Variants in OPCML observed in about 807,000 individuals in gnomAD.
OPCML encodes opioid binding protein/cell adhesion molecule like.
Under a neutral mutation model 37.8 loss-of-function variants are expected in OPCML, and 13 were observed. That is an observed-to-expected ratio of 0.34 (90% CI 0.22 to 0.55). The LOEUF (loss-of-function observed/expected upper bound fraction) is 0.55, where lower values mean the gene tolerates loss of function less well. Among genes scored for constraint, OPCML ranks in the 20% least tolerant of loss-of-function variants. The pLI is 0.91. For missense variants in OPCML, 341 were observed against 435.6 expected (o/e 0.78, Z 1.93); for synonymous variants, 176 against 168.8 (o/e 1.04, Z -0.33).
intron 1 of OPCML, among the ~76,000 whole-genome samples, chr11:133,395,602 G>A (rs1037575581): frequency 1.3e-5 from 2 of 152,086 alleles, no homozygotes; most frequent in African/African-American, 4.8e-5. Context: ...TTCTGCATAT[G>A]GATATCCAGT....
chr11:132,748,700 C>T (rs891691773), intron 2 of OPCML, among the ~76,000 whole-genome samples: 7 of 152,080 alleles, frequency 4.6e-5, no homozygotes, highest in African/African-American at 1.7e-4. Flanking sequence ...GACGGAAAGG[C>T]ATTGGAGGAT....
chr11:133,449,292 G>A (rs1344379441), intron 1 of OPCML, among the ~76,000 whole-genome samples: 1 of 152,176 alleles, frequency 6.6e-6, no homozygotes, highest in Non-Finnish European at 1.5e-5. Flanking sequence ...TGGACATAAA[G>A]TCTCTGTAAC....
At chr11:132,936,011 T>C (rs1945356603) in intron 2 of OPCML, among the ~76,000 whole-genome samples, 1 of 152,140 alleles carries the variant, frequency 6.6e-6, no homozygotes, top group Non-Finnish European at 1.5e-5. Context: ...CTGGACAGTA[T>C]GTTAGATCCT....
intron 1 of OPCML, among the ~76,000 whole-genome samples, chr11:133,269,162 A>C (rs1941745927): frequency 6.6e-6 from 1 of 152,172 alleles, no homozygotes; most frequent in South Asian, 2.1e-4. Flanking sequence ...GTGATGCTAC[A>C]CTTCTCTGGG....
intron 2 of OPCML, among the ~76,000 whole-genome samples, chr11:132,803,495 A>G (rs1316587929): frequency 6.6e-6 from 1 of 152,200 alleles, no homozygotes; most frequent in Non-Finnish European, 1.5e-5. Flanking sequence ...GTAGTACTTA[A>G]TGGTGAATAT....
At chr11:133,051,058 TACACACACAC>T (rs113538759) in intron 1 of OPCML, among the ~76,000 whole-genome samples, 3 of 147,992 alleles carry the variant, frequency 2.0e-5, no homozygotes, top group Non-Finnish European at 4.5e-5. Context: ...TGTGTGTACA[TACACACACAC>T]ACACACACAC....
intron 1 of OPCML, among the ~76,000 whole-genome samples, chr11:133,375,820 G>A (rs754711459): frequency 2.0e-5 from 3 of 152,166 alleles, no homozygotes; most frequent in Admixed American, 6.5e-5. Flanking sequence ...GACTAGCAGG[G>A]TGGGCACACA....
At chr11:132,868,539 A>G (rs1343679175) in intron 2 of OPCML, among the ~76,000 whole-genome samples, 1 of 152,110 alleles carries the variant, frequency 6.6e-6, no homozygotes, top group Non-Finnish European at 1.5e-5. Context: ...TTGTGTCCCA[A>G]ATAGGAATCA....
chr11:132,944,236 C>G (rs932905114), intron 1 of OPCML, among the ~76,000 whole-genome samples: 1 of 152,122 alleles, frequency 6.6e-6, no homozygotes, highest in South Asian at 2.1e-4. Flanking sequence ...AGAGGGAGTT[C>G]TGGGGAAAGC....
intron 3 of OPCML, among the ~76,000 whole-genome samples, chr11:132,575,589 T>C (rs2096448568): frequency 6.6e-6 from 1 of 152,042 alleles, no homozygotes; most frequent in Non-Finnish European, 1.5e-5. Context: ...TCTGTATTTT[T>C]AAACATATAT....
chr11:133,520,367 A>G (rs1948373851), intron 1 of OPCML, among the ~76,000 whole-genome samples: 1 of 152,046 alleles, frequency 6.6e-6, no homozygotes, highest in South Asian at 2.1e-4. Context: ...AGAGTACAAG[A>G]TGGGTATATG....
At chr11:133,521,635 C>A (rs999020989) in intron 1 of OPCML, among the ~76,000 whole-genome samples, 1 of 152,228 alleles carries the variant, frequency 6.6e-6, no homozygotes, top group African/African-American at 2.4e-5. Context: ...GCATCCATCC[C>A]AGTGCCAAGT....
intron 3 of OPCML, among the ~76,000 whole-genome samples, chr11:132,561,023 A>G (rs372478766): frequency 6.6e-6 from 1 of 152,148 alleles, no homozygotes; most frequent in South Asian, 2.1e-4. Context: ...TTCTGATGTT[A>G]TCTCCTAGAA....
chr11:132,630,908 T>C (rs1360433970), intron 3 of OPCML, among the ~76,000 whole-genome samples: 2 of 152,154 alleles, frequency 1.3e-5, no homozygotes, highest in African/African-American at 4.8e-5. Flanking sequence ...AATTGTAATA[T>C]ATTCATATAA....
At chr11:133,290,198 T>C (rs1297073446) in intron 1 of OPCML, among the ~76,000 whole-genome samples, 1 of 152,216 alleles carries the variant, frequency 6.6e-6, no homozygotes, top group Non-Finnish European at 1.5e-5. Context: ...GCACTGCTTT[T>C]GCCCTGGCAT....
intron 7 of OPCML, among the ~76,000 whole-genome samples, chr11:132,425,220 A>T (rs1383778904): frequency 6.6e-6 from 1 of 152,244 alleles, no homozygotes; most frequent in Non-Finnish European, 1.5e-5. Flanking sequence ...AGGAGGAGCT[A>T]GCTTATCCTC....
At chr11:133,094,078 C>T (rs1186521613) in intron 1 of OPCML, among the ~76,000 whole-genome samples, 1 of 151,954 alleles carries the variant, frequency 6.6e-6, no homozygotes, top group African/African-American at 2.4e-5. Context: ...CATTATTCTA[C>T]TTATCTGGAC....
At chr11:133,475,020 A>G (rs1947207729) in intron 1 of OPCML, among the ~76,000 whole-genome samples, 1 of 152,122 alleles carries the variant, frequency 6.6e-6, no homozygotes, top group Non-Finnish European at 1.5e-5. Flanking sequence ...GTTTTTGGCA[A>G]TCCGTGGGAC....
Position 132,688,869 on chromosome 11 carries a change from G to A in OPCML, c.147-31550C>T, listed in dbSNP as rs1398407677. 3.9e-5 allele frequency among the ~76,000 whole-genome samples: 2 copies of A among 50,664 alleles called. 1 individual carries two copies. Among genetic ancestry groups the A allele is most frequent in the Non-Finnish European group, 7.6e-5 (2 of 26,440 alleles). The allele number at this position is 50,664 out of a possible 152,430, so 33.2% of individuals were successfully genotyped here. ...GGAGGCTGAGGCAGGAGAATGGCGT[G>A]AACCCGGGAAGCGGAGCTTGCAGTG... is the stretch of plus-strand genomic sequence containing the variant. On this transcript the variant is annotated intron_variant, in intron 2 of 7. Transcript: ENST00000524381.
Sources: allele counts gnomAD v4.1 joint callset (sites outside exome capture counted in the v4.1 genomes callset), GRCh38; gene constraint gnomAD v4.1.1; transcripts MANE v1.5; gene names NCBI Gene and HGNC (gene_info 2026-07-23, HGNC 2026-07-21).